Variants in NF1 observed in about 807,000 individuals in gnomAD.
NF1 encodes the protein neurofibromin 1.
Under a neutral mutation model 325.7 loss-of-function variants are expected in NF1, and 122 were observed. The ratio of observed to expected loss-of-function variants is 0.37; its 90% CI spans 0.32 to 0.44. The LOEUF (loss-of-function observed/expected upper bound fraction) is 0.44, where lower values mean the gene tolerates loss of function less well. Ranked by LOEUF, NF1 falls within the 20% of genes least tolerant of loss-of-function variation. The probability of loss-of-function intolerance (pLI) is 1.00; values close to 1 mark genes in which losing one functional copy is unlikely to be tolerated. For missense variants in NF1, 2,140 were observed against 3,415.4 expected, an observed-to-expected ratio of 0.63 and a Z score of 9.31; for synonymous variants, 1,091 against 1,186.0, an observed-to-expected ratio of 0.92 and a Z score of 1.65.
intron 1 of NF1, among the ~76,000 whole-genome samples, chr17:31,147,653 T>A (rs1391661811): frequency 6.6e-6 from 1 of 152,150 alleles, no homozygotes; most frequent in Non-Finnish European, 1.5e-5. Context: ...TACTAGTAGC[T>A]CCTAAGATTT....
chr17:31,125,237 T>C (rs1191790777), intron 1 of NF1, among the ~76,000 whole-genome samples: 1 of 152,138 alleles, frequency 6.6e-6, no homozygotes, highest in Non-Finnish European at 1.5e-5. Context: ...GCATCATTTT[T>C]CTTTTGAGCG....
intron 1 of NF1, among the ~76,000 whole-genome samples, chr17:31,147,282 G>A (rs1233021544): frequency 1.3e-5 from 2 of 152,184 alleles, no homozygotes. Flanking sequence ...ATCATGGGTT[G>A]AATTTAGCAT....
At chr17:31,344,889 A>G (rs1198305212) in intron 48 of NF1, among the ~76,000 whole-genome samples, 2 of 152,174 alleles carry the variant, frequency 1.3e-5, no homozygotes, top group East Asian at 3.9e-4. Context: ...CCTGGCCAAC[A>G]TGGTGAAACC....
chr17:31,192,601 G>A (rs2066365581), intron 8 of NF1, among the ~76,000 whole-genome samples: 1 of 152,130 alleles, frequency 6.6e-6, no homozygotes, highest in Admixed American at 6.6e-5. Flanking sequence ...CTAAAAGAGT[G>A]CCTGGCTCTT....
At chr17:31,201,307 GT>G (rs981161732) in intron 10 of NF1, 103 bp from the exon 11 acceptor site, 1,095 of 1,329,002 alleles carry the variant, frequency 8.2e-4, no homozygotes, top group Non-Finnish European at 9.3e-4. Context: ...AAAACTTAGT[GT>G]TTTTTTTTTA....
At chr17:31,333,961 G>C (rs1336541500) in intron 39 of NF1, among the ~76,000 whole-genome samples, 1 of 152,172 alleles carries the variant, frequency 6.6e-6, no homozygotes, top group Admixed American at 6.5e-5. Flanking sequence ...AAGTTTAAAA[G>C]AAGTTTGCAG....
rs2067066435 is a variant in NF1 at position 31,229,121 on chromosome 17, G to A, written c.2506G>A (p.Glu836Lys). Reference sequence around the variant, plus strand: ...TTTGTCTGACACAGACTCCCTACAGGAATGGATCAACATGACTGGCTTCCT... The same window carrying A: ...TTTGTCTGACACAGACTCCCTACAGAAATGGATCAACATGACTGGCTTCCT... Reference protein sequence around the residue: ...IDLSDTDSLQEWINMTGFLCA... With the variant: ...IDLSDTDSLQKWINMTGFLCA... Residue 836 changes from glutamate to lysine, a missense_variant, in exon 21 of 58, where the codon GAA becomes AAA. Around this residue, in one of 10 missense-constraint regions of NF1, gnomAD observed 380 missense variants for 639.3 expected, o/e 0.59. Transcript: ENST00000358273. 1 of 1,611,876 alleles carries A rather than the reference G, an allele frequency of 6.2e-7. No homozygotes were observed. Among genetic ancestry groups the A allele is most frequent in the Non-Finnish European group, 8.5e-7 (1 of 1,179,792 alleles).
chr17:31,302,383 T>TG (rs2068593746), intron 36 of NF1, among the ~76,000 whole-genome samples: 1 of 152,176 alleles, frequency 6.6e-6, no homozygotes, highest in African/African-American at 2.4e-5. Flanking sequence ...ATTAAGTAAC[T>TG]GTCACAAATG....
At chr17:31,103,572 G>A (rs1007888684) in intron 1 of NF1, among the ~76,000 whole-genome samples, 3 of 151,578 alleles carry the variant, frequency 2.0e-5, no homozygotes, top group Admixed American at 2.0e-4. Flanking sequence ...CTATAGACGG[G>A]GTTTTGCCAT....
chr17:31,216,828 C>G (rs937939120), intron 13 of NF1, among the ~76,000 whole-genome samples: 2 of 152,104 alleles, frequency 1.3e-5, no homozygotes, highest in African/African-American at 4.8e-5. Context: ...TTCAGTCTTT[C>G]TAACCACATG....
intron 1 of NF1, chr17:31,136,858 C>G (rs1180364968): frequency 6.6e-6 from 1 of 152,144 alleles, no homozygotes; most frequent in African/African-American, 2.4e-5. Flanking sequence ...GGGTTCAGTA[C>G]TATCCCTGGA....
At chr17:31,337,788 C>G (rs1567617630) in intron 43 of NF1, 31 bp from the exon 44 acceptor site, 9 of 1,602,644 alleles carry the variant, frequency 5.6e-6, no homozygotes, top group Non-Finnish European at 7.7e-6. Context: ...CATTTATGTA[C>G]AATATGTATT....
At chr17:31,217,020 T>G (rs1348780105) in intron 13 of NF1, among the ~76,000 whole-genome samples, 1 of 152,180 alleles carries the variant, frequency 6.6e-6, no homozygotes, top group East Asian at 1.9e-4. Flanking sequence ...CTTATGTGAT[T>G]TGCATTTTTA....
At chr17:31,346,887 A>C (rs537731056) in intron 48 of NF1, among the ~76,000 whole-genome samples, 1 of 114,464 alleles carries the variant, frequency 8.7e-6, no homozygotes, top group South Asian at 2.6e-4. Flanking sequence ...TATTGCTCTT[A>C]TCCCTCTCAG....
intron 1 of NF1, among the ~76,000 whole-genome samples, chr17:31,100,818 T>C (rs1009298516): frequency 6.6e-6 from 1 of 152,184 alleles, no homozygotes; most frequent in Non-Finnish European, 1.5e-5. Flanking sequence ...TCCACCTGCC[T>C]TGACTTCCCA....
chr17:31,370,308 T>C (rs1302768136), intron 57 of NF1, among the ~76,000 whole-genome samples: 1 of 152,084 alleles, frequency 6.6e-6, no homozygotes, highest in African/African-American at 2.4e-5. Flanking sequence ...AATGTGCTCA[T>C]TAGGAAAAAA....
chr17:31,138,356 CG>C (rs1273303922), intron 1 of NF1: 7 of 152,120 alleles, frequency 4.6e-5, no homozygotes, highest in Admixed American at 3.9e-4. Context: ...CTCCACCTCC[CG>C]GGTTCAAGTG....
intron 36 of NF1, among the ~76,000 whole-genome samples, chr17:31,302,563 C>T (rs985880612): frequency 4.6e-5 from 7 of 152,026 alleles, no homozygotes; most frequent in South Asian, 4.1e-4. Flanking sequence ...AAGTTTGGGC[C>T]GGGCACGGTG....
chr17:31,227,704 T>C, intron 20 of NF1, 98 bp downstream of exon 20: 3 of 1,045,132 alleles, frequency 2.9e-6, no homozygotes, highest in Non-Finnish European at 2.9e-6. Context: ...AAAGTAAACA[T>C]ATAGCTGTGT....
Sources: allele counts gnomAD v4.1 joint callset (sites outside exome capture counted in the v4.1 genomes callset), GRCh38; gene constraint gnomAD v4.1.1; regional missense constraint gnomAD v4.1.1; transcripts MANE v1.5; gene names NCBI Gene and HGNC (gene_info 2026-07-23, HGNC 2026-07-21).